Variants in CCDC192 observed in about 807,000 individuals in gnomAD.
CCDC192 encodes the protein coiled-coil domain containing 192.
At chr5:127,929,112 A>G (rs1753947715) in intron 6 of CCDC192, among the ~76,000 whole-genome samples, 2 of 152,196 alleles carry the variant, frequency 1.3e-5, no homozygotes, top group African/African-American at 4.8e-5. Context: ...CTCAGAGAAT[A>G]TGTTCTGAGA....
At chr5:127,770,807 G>A (rs1045803673) in intron 3 of CCDC192, among the ~76,000 whole-genome samples, 1 of 152,152 alleles carries the variant, frequency 6.6e-6, no homozygotes, top group African/African-American at 2.4e-5. Flanking sequence ...ATTATATTAT[G>A]CAGGAACATT....
intron 2 of CCDC192, among the ~76,000 whole-genome samples, chr5:127,749,837 C>T (rs1477102730): frequency 1.3e-5 from 2 of 152,152 alleles, no homozygotes; most frequent in Non-Finnish European, 2.9e-5. Flanking sequence ...CTGGTTTAGT[C>T]TTGGGAGAGT....
At chr5:127,852,478 G>A (rs1057478388) in intron 5 of CCDC192, among the ~76,000 whole-genome samples, 4 of 152,140 alleles carry the variant, frequency 2.6e-5, no homozygotes, top group African/African-American at 9.7e-5. Flanking sequence ...ACTCTGAGGG[G>A]TCAGGATAGC....
chr5:127,822,110 T>C (rs1240267742), intron 5 of CCDC192, among the ~76,000 whole-genome samples: 1 of 152,210 alleles, frequency 6.6e-6, no homozygotes, highest in African/African-American at 2.4e-5. Context: ...GACAACATTC[T>C]GGGCTTGGTA....
chr5:127,720,215 AT>A (rs1561445794), intron 2 of CCDC192, among the ~76,000 whole-genome samples: 2 of 152,208 alleles, frequency 1.3e-5, no homozygotes, highest in African/African-American at 4.8e-5. Context: ...CCAAGATACA[AT>A]GGGGGTACTG....
rs150673708 is a variant in CCDC192 at position 127,825,800 on chromosome 5, T to C, written c.411+27638T>C. On this transcript the variant is annotated intron_variant, in intron 5 of 6. Coordinates refer to ENST00000514853, the MANE Select transcript of CCDC192 (RefSeq NM_001317938.2). ...GGCTCATCAACTAAACTTAGCCACA[T>C]TGTTAAAATTTAAGGAAGAAGATAT... Among the ~76,000 whole-genome samples the C allele has an allele frequency of 9.8e-5, 15 of 152,346 alleles. No homozygotes were observed. In the East Asian group the frequency reaches 2.7e-3, roughly 27 times the overall value.
chr5:127,913,639 A>T (rs952085350), intron 6 of CCDC192, among the ~76,000 whole-genome samples: 2 of 152,264 alleles, frequency 1.3e-5, no homozygotes, highest in Non-Finnish European at 2.9e-5. Flanking sequence ...CCCTGGAGAT[A>T]AAGAGGAAAG....
At chr5:127,759,141 C>T (rs1190726197) in intron 3 of CCDC192, among the ~76,000 whole-genome samples, 1 of 152,136 alleles carries the variant, frequency 6.6e-6, no homozygotes, top group Admixed American at 6.5e-5. Flanking sequence ...CTTTGTCTCC[C>T]CAGCTACAGT....
chr5:127,865,048 G>T (rs1328099846), intron 5 of CCDC192, among the ~76,000 whole-genome samples: 2 of 152,182 alleles, frequency 1.3e-5, no homozygotes, highest in African/African-American at 4.8e-5. Flanking sequence ...TTGGGAGGCT[G>T]AGGCAGGAGA....
rs555854137 is a variant in CCDC192, at chr5:127,714,545, C to T, written c.114+6785C>T. 1.0e-3 allele frequency among the ~76,000 whole-genome samples: 156 copies of T among 152,258 alleles called. 1 individual carries two copies. Among genetic ancestry groups the T allele is most frequent in the African/African-American group, 3.5e-3 (147 of 41,556 alleles). ...CTGGGACTACAGGCACATGCCACCA[C>T]ACCTGCATAACTTTTGTACTTTTTT... On this transcript the variant is annotated intron_variant, in intron 2 of 6. Coordinates refer to ENST00000514853, the MANE Select transcript of CCDC192 (RefSeq NM_001317938.2).
intron 5 of CCDC192, among the ~76,000 whole-genome samples, chr5:127,873,948 C>A (rs910242510): frequency 7.2e-5 from 11 of 152,182 alleles, no homozygotes; most frequent in Admixed American, 4.6e-4. Context: ...TCAGCTTGGT[C>A]TCTCCTGAAT....
chr5:127,851,457 G>C (rs1750793377), intron 5 of CCDC192, among the ~76,000 whole-genome samples: 1 of 151,992 alleles, frequency 6.6e-6, no homozygotes, highest in South Asian at 2.1e-4. Context: ...GGTTATTGCT[G>C]TTGTTGTTTT....
intron 3 of CCDC192, among the ~76,000 whole-genome samples, chr5:127,777,962 A>G (rs1490051585): frequency 6.6e-6 from 1 of 152,022 alleles, no homozygotes; most frequent in East Asian, 1.9e-4. Context: ...AAAACAGACT[A>G]ATAAAATCTT....
chr5:127,938,478 A>T (rs1027289631), intron 6 of CCDC192, among the ~76,000 whole-genome samples: 2 of 152,234 alleles, frequency 1.3e-5, no homozygotes, highest in African/African-American at 4.8e-5. Context: ...TGGGTTTCAG[A>T]GAGAGCTCAT....
chr5:127,910,343 G>A (rs1239435334), intron 6 of CCDC192, among the ~76,000 whole-genome samples: 1 of 152,196 alleles, frequency 6.6e-6, no homozygotes, highest in Admixed American at 6.5e-5. Context: ...AGAATGGGTG[G>A]CAGCTCTTTA....
intron 5 of CCDC192, among the ~76,000 whole-genome samples, chr5:127,799,467 C>G (rs559476063): frequency 6.6e-6 from 1 of 152,258 alleles, no homozygotes; most frequent in Non-Finnish European, 1.5e-5. Context: ...AGATGCCTTT[C>G]CCCTGGTCTC....
In CCDC192 at chr5:127,745,878, C is replaced by A. The variant is rs895633045; in HGVS notation, c.115-8390C>A. On this transcript the variant is annotated intron_variant, in intron 2 of 6. Transcript: ENST00000514853. ...AATTATGGAAGTCCTATCTTTCTGC[C>A]CTTCTGCCATTGCACCTTGCAAAAC... Among the ~76,000 whole-genome samples, 3 of 152,160 alleles carry A rather than the reference C, an allele frequency of 2.0e-5. No homozygotes were observed. The East Asian group carries it at 5.8e-4, about 29-fold the overall frequency.
intron 3 of CCDC192, among the ~76,000 whole-genome samples, chr5:127,757,798 A>ACACACTCT (rs1491447075): frequency 8.5e-6 from 1 of 117,242 alleles, no homozygotes; most frequent in Non-Finnish European, 1.8e-5. Flanking sequence ...ACACACACAC[A>ACACACTCT]CTCTCTCTCT....
intron 6 of CCDC192, among the ~76,000 whole-genome samples, chr5:127,921,151 GGAAAGGAGAAAA>G: frequency 6.8e-6 from 1 of 147,484 alleles, no homozygotes; most frequent in South Asian, 2.2e-4. Flanking sequence ...GGAGAGGAAA[GGAAAGGAGAAAA>G]GAAAAGAAAA....
Sources: allele counts gnomAD v4.1 joint callset (sites outside exome capture counted in the v4.1 genomes callset), GRCh38; gene constraint gnomAD v4.1.1; transcripts MANE v1.5; gene names NCBI Gene and HGNC (gene_info 2026-07-23, HGNC 2026-07-21).